The following FHIT variants were observed in gnomAD, a reference collection of about 807,000 sequenced individuals.
FHIT encodes the protein fragile histidine triad diadenosine triphosphatase.
In FHIT, 19 loss-of-function variants were observed where a neutral mutation model predicts 17.9. The observed-to-expected ratio is 1.06, with a 90% confidence interval of 0.74 to 1.56. FHIT has a LOEUF of 1.56. Ranked by LOEUF, FHIT falls within the 40% of genes most tolerant of loss-of-function variation. The probability of loss-of-function intolerance (pLI) is 0.00; values close to 1 mark genes in which losing one functional copy is unlikely to be tolerated. For missense variants in FHIT, 248 were observed against 189.2 expected (o/e 1.31, Z -1.82); for synonymous variants, 81 against 69.7 (o/e 1.16, Z -0.81).
chr3:60,203,737 G>A (rs1216826928), intron 5 of FHIT, among the ~76,000 whole-genome samples: 1 of 152,068 alleles, frequency 6.6e-6, no homozygotes, highest in African/African-American at 2.4e-5. Flanking sequence ...AAAAATGCAA[G>A]AGAGATGATA....
At chr3:60,248,218 G>C (rs1230375086) in intron 5 of FHIT, among the ~76,000 whole-genome samples, 2 of 151,992 alleles carry the variant, frequency 1.3e-5, no homozygotes, top group East Asian at 1.9e-4. Flanking sequence ...TTATTCTTTG[G>C]TACAAAAACC....
At chr3:60,388,201 G>A (rs1051026582) in intron 5 of FHIT, among the ~76,000 whole-genome samples, 33 of 152,200 alleles carry the variant, frequency 2.2e-4, no homozygotes, top group African/African-American at 7.2e-4. Flanking sequence ...CCACATCTGA[G>A]ATAAAATTAA....
intron 7 of FHIT, among the ~76,000 whole-genome samples, chr3:59,965,173 T>G (rs1707866412): frequency 6.6e-6 from 1 of 152,132 alleles, no homozygotes; most frequent in Admixed American, 6.6e-5. Context: ...ATAGCATGCA[T>G]TTTTATTAAA....
chr3:59,948,160 T>C (rs936067463), intron 7 of FHIT, among the ~76,000 whole-genome samples: 1 of 152,114 alleles, frequency 6.6e-6, no homozygotes, highest in African/African-American at 2.4e-5. Context: ...CTGGGATAAA[T>C]GCCCTTGGGT....
At chr3:60,356,898 T>G (rs973372535) in intron 5 of FHIT, among the ~76,000 whole-genome samples, 1 of 151,976 alleles carries the variant, frequency 6.6e-6, no homozygotes. Flanking sequence ...TGATGCCAAA[T>G]GTGTGGCTAG....
chr3:60,830,899 T>G (rs1702305649), intron 3 of FHIT, among the ~76,000 whole-genome samples: 1 of 152,162 alleles, frequency 6.6e-6, no homozygotes, highest in Non-Finnish European at 1.5e-5. Context: ...CTTAACATAT[T>G]AATGAGAATT....
At chr3:60,144,922 C>T (rs911600422) in intron 5 of FHIT, among the ~76,000 whole-genome samples, 3 of 151,988 alleles carry the variant, frequency 2.0e-5, no homozygotes, top group African/African-American at 7.2e-5. Flanking sequence ...AAATATTATG[C>T]CAAATAGAAA....
At chr3:60,890,392 C>A (rs1208607336) in intron 3 of FHIT, among the ~76,000 whole-genome samples, 1 of 152,172 alleles carries the variant, frequency 6.6e-6, no homozygotes, top group African/African-American at 2.4e-5. Flanking sequence ...ATTGACCCAG[C>A]CTACACCAAA....
rs1701078779 is a variant in FHIT, at chr3:60,033,300, A to C, written c.104-19148T>G. Reference sequence around the variant, plus strand: ...CACCTGAGGCCAGGAGTTCAAGACAAGCCTGACCAACATGGAGAAACCCCG... The same window carrying C: ...CACCTGAGGCCAGGAGTTCAAGACACGCCTGACCAACATGGAGAAACCCCG... On this transcript the variant is annotated intron_variant, in intron 5 of 9. Coordinates refer to ENST00000492590, the MANE Select transcript of FHIT (RefSeq NM_002012.4). 2.0e-5 allele frequency among the ~76,000 whole-genome samples: 3 copies of C among 152,156 alleles called. No homozygotes were observed. The South Asian group carries it at 6.2e-4, about 31-fold the overall frequency.
intron 8 of FHIT, among the ~76,000 whole-genome samples, chr3:59,875,344 T>C (rs1288772554): frequency 1.3e-5 from 2 of 152,184 alleles, no homozygotes; most frequent in East Asian, 3.9e-4. Context: ...TAGGTTTCCA[T>C]CTCCCAGGGA....
At chr3:61,198,344 T>C (rs2365485) in intron 2 of FHIT, among the ~76,000 whole-genome samples, 115,079 of 151,962 alleles carry the variant, frequency 0.76, 44,227 homozygotes, top group Non-Finnish European at 0.83. Context: ...GAGAATCCTT[T>C]AGCTAAAGAA....
At chr3:60,067,118 A>G (rs1702549073) in intron 5 of FHIT, among the ~76,000 whole-genome samples, 1 of 152,094 alleles carries the variant, frequency 6.6e-6, no homozygotes, top group Non-Finnish European at 1.5e-5. Context: ...AAAGCTCCCA[A>G]CTCCAAAATA....
At chr3:59,916,027 A>G (rs927206427) in intron 8 of FHIT, among the ~76,000 whole-genome samples, 2 of 152,104 alleles carry the variant, frequency 1.3e-5, no homozygotes, top group African/African-American at 4.8e-5. Context: ...GGACTGAAGG[A>G]TGCAAAGTAT....
intron 5 of FHIT, among the ~76,000 whole-genome samples, chr3:60,162,889 A>G (rs1358390690): frequency 2.6e-5 from 4 of 152,192 alleles, no homozygotes; most frequent in African/African-American, 9.6e-5. Flanking sequence ...TTCAACCACA[A>G]GACCTGATAG....
chr3:60,029,424 T>G (rs1467613314), intron 5 of FHIT, among the ~76,000 whole-genome samples: 1 of 152,194 alleles, frequency 6.6e-6, no homozygotes, highest in African/African-American at 2.4e-5. Flanking sequence ...TCATATGTGA[T>G]GTGCATCTTA....
intron 5 of FHIT, among the ~76,000 whole-genome samples, chr3:60,471,798 T>TC (rs2033101196): frequency 6.6e-6 from 1 of 152,044 alleles, no homozygotes; most frequent in Non-Finnish European, 1.5e-5. Context: ...TGCTCTGTCT[T>TC]CCCCCTGCCA....
chr3:61,143,336 T>C (rs2037138564), intron 2 of FHIT, among the ~76,000 whole-genome samples: 1 of 152,220 alleles, frequency 6.6e-6, no homozygotes, highest in South Asian at 2.1e-4. Flanking sequence ...TTTATATGTA[T>C]GTATAATACA....
chr3:60,826,475 C>T (rs1559752589), intron 3 of FHIT, among the ~76,000 whole-genome samples: 1 of 152,100 alleles, frequency 6.6e-6, no homozygotes. Flanking sequence ...TATAGGCACG[C>T]ACCACTACGC....
At chr3:61,190,984 T>C (rs1266331093) in intron 2 of FHIT, among the ~76,000 whole-genome samples, 3 of 150,812 alleles carry the variant, frequency 2.0e-5, no homozygotes, top group Non-Finnish European at 4.4e-5. Flanking sequence ...TAATGCTAAA[T>C]GACGAGTTAA....
Sources: gnomAD v4.1 joint callset for allele counts (sites outside exome capture counted in the v4.1 genomes callset) on GRCh38, gnomAD v4.1.1 for gene constraint, MANE v1.5 for transcripts, NCBI Gene and HGNC (gene_info 2026-07-23, HGNC 2026-07-21) for gene names.